C3orf52: variants seen among roughly 807,000 people sequenced by gnomAD.
C3orf52 encodes chromosome 3 open reading frame 52.
In C3orf52, 22 loss-of-function variants were observed where a neutral mutation model predicts 24.8. That is an observed-to-expected ratio of 0.89 (90% CI 0.63 to 1.27). The LOEUF (loss-of-function observed/expected upper bound fraction) is 1.27, where lower values mean the gene tolerates loss of function less well. C3orf52 is among the 50% of genes most tolerant of loss of function. C3orf52 has a pLI of 0.00. For missense variants in C3orf52, 265 were observed against 260.7 expected, an observed-to-expected ratio of 1.02 and a Z score of -0.11; for synonymous variants, 93 against 100.2, an observed-to-expected ratio of 0.93 and a Z score of 0.43.
intron 5 of C3orf52, among the ~76,000 whole-genome samples, chr3:112,115,671 A>G (rs781105173): frequency 3.9e-5 from 6 of 152,086 alleles, no homozygotes; most frequent in South Asian, 4.2e-4. Context: ...AGGCCAGCCT[A>G]TGGTCCATTT....
At chr3:112,134,565 A>C (rs558758877), downstream of C3orf52, 1 of 152,348 alleles carries the variant, frequency 6.6e-6, no homozygotes, top group South Asian at 2.1e-4. Context: ...CTCCCATCTC[A>C]GAAGTATGGC....
intron 4 of C3orf52, chr3:112,123,881 C>A: frequency 8.6e-7 from 1 of 1,164,790 alleles, no homozygotes; most frequent in East Asian, 2.4e-5. Flanking sequence ...TCTATGACCA[C>A]CTCCTCCCCA....
Position 112,117,142 on chromosome 3 carries a change from G to C in C3orf52, c.*496G>C, listed in dbSNP as rs1340083624. 2 of 563,068 alleles carry C rather than the reference G, an allele frequency of 3.6e-6. No homozygotes were observed. Among genetic ancestry groups the C allele is most frequent in the East Asian group, 2.8e-5 (1 of 35,724 alleles). 34.9% of individuals were successfully genotyped at this position (563,068 alleles called of 1,614,324 possible). A position where few individuals can be genotyped will look rare whatever the true frequency, so the allele number is the denominator to read the frequency against. On this transcript the variant is annotated 3_prime_UTR_variant, in exon 6 of 6. Coordinates refer to ENST00000264848, the MANE Select transcript of C3orf52 (RefSeq NM_024616.3). ...GAGCTGGTAGAGCACGGAGAGGCAG[G>C]CAGCCAGGTTACGAAGACTAAGCCA...
At chr3:112,105,557 TGTG>T (rs1324395385) in intron 3 of C3orf52, among the ~76,000 whole-genome samples, 1 of 151,684 alleles carries the variant, frequency 6.6e-6, no homozygotes. Context: ...TGTGTGTGTG[TGTG>T]TGTGTGTGTG....
At chr3:112,132,344 G>A (rs544192734), downstream of C3orf52, among the ~76,000 whole-genome samples, 12 of 152,110 alleles carry the variant, frequency 7.9e-5, no homozygotes, top group South Asian at 2.5e-3. Context: ...CCTCTGGCTC[G>A]CTTACTCTCT....
intron 1 of C3orf52, 123 bp from the exon 2 acceptor site, chr3:112,093,237 A>G (rs2107775627): frequency 2.2e-6 from 2 of 907,354 alleles, no homozygotes; most frequent in African/African-American, 1.7e-5. Context: ...TTGATTCAGT[A>G]GAGTGTTGCC....
chr3:112,119,457 G>C (rs762979927), downstream of C3orf52: 4 of 702,742 alleles, frequency 5.7e-6, no homozygotes, highest in Admixed American at 6.0e-5. Flanking sequence ...ATCAGAGGAC[G>C]TTTTTTTGTA....
chr3:112,114,409 A>G (rs2074115065), intron 5 of C3orf52, among the ~76,000 whole-genome samples: 1 of 151,620 alleles, frequency 6.6e-6, no homozygotes, highest in African/African-American at 2.4e-5. Flanking sequence ...GGAATTAAAA[A>G]AAAAAAAAAA....
At chr3:112,100,455 T>A (rs1398569505) in intron 2 of C3orf52, among the ~76,000 whole-genome samples, 3 of 152,228 alleles carry the variant, frequency 2.0e-5, no homozygotes, top group Non-Finnish European at 4.4e-5. Context: ...TTACTATTGT[T>A]ATTATTTTGA....
chr3:112,096,719 G>A (rs1010758520), intron 2 of C3orf52, among the ~76,000 whole-genome samples: 1 of 152,068 alleles, frequency 6.6e-6, no homozygotes, highest in African/African-American at 2.4e-5. Flanking sequence ...GTCCAGTGGG[G>A]AGTTATATTT....
At chr3:112,119,267 C>CA (rs2074166939), downstream of C3orf52, among the ~76,000 whole-genome samples, 1 of 152,100 alleles carries the variant, frequency 6.6e-6, no homozygotes, top group African/African-American at 2.4e-5. Flanking sequence ...CCCAGCTACT[C>CA]AGGAGGCTGA....
chr3:112,126,921 G>C, intron 4 of C3orf52: 2 of 1,088,040 alleles, frequency 1.8e-6, no homozygotes, highest in South Asian at 2.6e-5. Context: ...TGGGAACATA[G>C]AGAAGAAGTA....
chr3:112,114,060 G>A (rs1314853617), intron 5 of C3orf52, among the ~76,000 whole-genome samples: 2 of 152,232 alleles, frequency 1.3e-5, no homozygotes, highest in Non-Finnish European at 2.9e-5. Flanking sequence ...AGGCAAATTA[G>A]AAGTAGTTGT....
intron 4 of C3orf52, chr3:112,125,279 G>T: frequency 6.5e-7 from 1 of 1,530,918 alleles, no homozygotes; most frequent in Non-Finnish European, 9.1e-7. Flanking sequence ...TACACTCAAT[G>T]AATTTCAGGT....
chr3:112,100,363 G>A (rs774828949), intron 2 of C3orf52, among the ~76,000 whole-genome samples: 3 of 152,132 alleles, frequency 2.0e-5, no homozygotes, highest in African/African-American at 7.2e-5. Context: ...TTAAAAATAT[G>A]TTTTTTCTAC....
At chr3:112,121,709 G>C (rs114489392), downstream of C3orf52, 1 of 152,336 alleles carries the variant, frequency 6.6e-6, no homozygotes, top group Non-Finnish European at 1.5e-5. Context: ...CAGAGGAAGA[G>C]ATACCAAGAT....
At position 112,102,864 on chromosome 3, in the gene C3orf52, G is replaced by A. The variant is rs139531193; in HGVS notation, c.295G>A (p.Glu99Lys). The A allele has an allele frequency of 8.4e-4, 1,327 of 1,576,794 alleles. No homozygotes were observed. Among genetic ancestry groups the A allele is most frequent in the Non-Finnish European group, 1.0e-3 (1,171 of 1,159,934 alleles). Residue 99 changes from glutamate (E) to lysine (K), a missense_variant, in exon 3 of 6, where the codon GAA becomes AAA. Coordinates refer to ENST00000264848, the MANE Select transcript of C3orf52 (RefSeq NM_024616.3). Reference protein sequence around the residue: ...AVTYVDEDENEILELSSNKTF... With the variant: ...AVTYVDEDENKILELSSNKTF... ...AACTTATGTTGATGAAGATGAAAAT[G>A]AAATACTTGAATTATCATCAAACAA...
intron 1 of C3orf52, among the ~76,000 whole-genome samples, chr3:112,092,690 C>T (rs1456547911): frequency 6.6e-6 from 1 of 152,138 alleles, no homozygotes; most frequent in Non-Finnish European, 1.5e-5. Flanking sequence ...TTCATTGACC[C>T]CTCCTCTGCC....
intron 4 of C3orf52, among the ~76,000 whole-genome samples, chr3:112,126,475 G>A (rs756152592): frequency 9.9e-5 from 15 of 152,194 alleles, no homozygotes; most frequent in Non-Finnish European, 1.6e-4. Context: ...CACCAGCCTC[G>A]TAAGTGTTCT....
Sources: gnomAD v4.1 joint callset for allele counts (sites outside exome capture counted in the v4.1 genomes callset) on GRCh38, gnomAD v4.1.1 for gene constraint, MANE v1.5 for transcripts, NCBI Gene and HGNC (gene_info 2026-07-23, HGNC 2026-07-21) for gene names.